IRAG1: variants seen among roughly 807,000 people sequenced by gnomAD.
The protein encoded by IRAG1 is inositol 1,4,5-triphosphate receptor associated 1.
Under a neutral mutation model 106.2 loss-of-function variants are expected in IRAG1, and 62 were observed. The ratio of observed to expected loss-of-function variants is 0.58; its 90% CI spans 0.48 to 0.72. The LOEUF is 0.72. Ranked by LOEUF, IRAG1 falls within the 30% of genes least tolerant of loss-of-function variation. The pLI is 0.00. For synonymous variants in IRAG1, 462 were observed against 443.9 expected (o/e 1.04, Z -0.51); for missense variants, 1,064 against 1,140.7 (o/e 0.93, Z 0.97).
At chr11:10,626,639 T>C in intron 8 of IRAG1, 56 bp from the exon 9 acceptor site, 1 of 1,522,200 alleles carries the variant, frequency 6.6e-7, no homozygotes, top group Non-Finnish European at 8.8e-7. Flanking sequence ...GGGAAACAGG[T>C]GAGGCCACTT....
intron 1 of IRAG1, among the ~76,000 whole-genome samples, chr11:10,686,310 C>T (rs1018408781): frequency 4.6e-5 from 7 of 152,164 alleles, no homozygotes; most frequent in African/African-American, 1.7e-4. Context: ...ACCTCGGCAA[C>T]ATTTACAGAC....
At chr11:10,664,276 C>A (rs144816902) in intron 1 of IRAG1, among the ~76,000 whole-genome samples, 309 of 152,184 alleles carry the variant, frequency 2.0e-3, no homozygotes, top group African/African-American at 6.9e-3. Context: ...GATGGAGCAC[C>A]CCAGCTCAGG....
rs549092992 is a variant in IRAG1 at position 10,614,672 on chromosome 11, A to G, written c.1448-4821T>C. Among the ~76,000 whole-genome samples, 472 of 152,352 alleles carry G rather than the reference A, an allele frequency of 3.1e-3. 4 individuals are homozygous for G. Among genetic ancestry groups the G allele is most frequent in the Non-Finnish European group, 2.6e-3 (180 of 68,032 alleles). On this transcript the variant is annotated intron_variant, in intron 10 of 20. Transcript: ENST00000423302. Reference sequence around the variant, plus strand: ...AACCATCTGATCTTTGACAAACCTGACAAAAACAAGAAATGGGGAAAGGAG... The same window carrying G: ...AACCATCTGATCTTTGACAAACCTGGCAAAAACAAGAAATGGGGAAAGGAG...
Position 10,602,081 on chromosome 11 carries a change from G to T in IRAG1, c.1876-1022C>A, listed in dbSNP as rs116928846. 2.4e-3 allele frequency among the ~76,000 whole-genome samples: 371 copies of T among 152,360 alleles called. 3 individuals carry two copies. The highest frequency in any genetic ancestry group is 4.7e-3 in the Non-Finnish European group (318 of 68,034). ...GCAGGAACAGGTCCCACAGTCATGC[G>T]TGGCTGAGACCAGCTACTTCCCTAG... On this transcript the variant is annotated intron_variant, in intron 14 of 20. Coordinates refer to ENST00000423302, the MANE Select transcript of IRAG1 (RefSeq NM_130385.4).
At chr11:10,655,036 G>T (rs1858812608) in intron 1 of IRAG1, among the ~76,000 whole-genome samples, 1 of 152,188 alleles carries the variant, frequency 6.6e-6, no homozygotes, top group Non-Finnish European at 1.5e-5. Context: ...CATCAGTGGT[G>T]CTGGGTAAAG....
chr11:10,676,452 G>A (rs944491789), intron 1 of IRAG1, among the ~76,000 whole-genome samples: 12 of 152,220 alleles, frequency 7.9e-5, no homozygotes, highest in Non-Finnish European at 1.5e-4. Flanking sequence ...TGTGGGATTG[G>A]AGCTATGACA....
chr11:10,660,916 C>G (rs1859343294), intron 1 of IRAG1, among the ~76,000 whole-genome samples: 1 of 152,212 alleles, frequency 6.6e-6, no homozygotes, highest in South Asian at 2.1e-4. Context: ...CCTGGCACCC[C>G]TGCCCATGGC....
At chr11:10,638,182 C>T (rs1412376468) in intron 2 of IRAG1, among the ~76,000 whole-genome samples, 2 of 152,172 alleles carry the variant, frequency 1.3e-5, no homozygotes, top group African/African-American at 2.4e-5. Context: ...GTAGTGTTTA[C>T]AAGTTTTTAA....
At chr11:10,629,164 G>T (rs769920736) in intron 5 of IRAG1, among the ~76,000 whole-genome samples, 2 of 152,164 alleles carry the variant, frequency 1.3e-5, no homozygotes, top group South Asian at 2.1e-4. Flanking sequence ...ACTTCCCAGG[G>T]TGGCCCTGAC....
intron 1 of IRAG1, among the ~76,000 whole-genome samples, chr11:10,661,441 A>C (rs1338311039): frequency 6.6e-6 from 1 of 151,906 alleles, no homozygotes; most frequent in Non-Finnish European, 1.5e-5. Flanking sequence ...AAACTGCACA[A>C]ATTCATTATC....
intron 13 of IRAG1, among the ~76,000 whole-genome samples, chr11:10,603,645 C>T (rs1443292812): frequency 6.6e-6 from 1 of 152,076 alleles, no homozygotes; most frequent in Non-Finnish European, 1.5e-5. Flanking sequence ...GGCTAAATGT[C>T]TGTGCCCCCC....
At chr11:10,591,690 T>C (rs773326151) in intron 17 of IRAG1, 78 bp from the exon 18 acceptor site, 107 of 1,307,320 alleles carry the variant, frequency 8.2e-5, no homozygotes, top group Admixed American at 1.4e-4. Flanking sequence ...TTTCTGATGA[T>C]GCTGGGAGCG....
At chr11:10,620,885 CTAGTTCAAAGAACAA>C (rs1855786218) in intron 10 of IRAG1, among the ~76,000 whole-genome samples, 1 of 152,100 alleles carries the variant, frequency 6.6e-6, no homozygotes, top group African/African-American at 2.4e-5. Context: ...ATTGTTAATC[CTAGTTCAAAGAACAA>C]TAGATAGGTC....
intron 1 of IRAG1, among the ~76,000 whole-genome samples, chr11:10,684,609 A>G (rs1861523169): frequency 8.3e-6 from 1 of 120,400 alleles, no homozygotes; most frequent in Non-Finnish European, 1.6e-5. Flanking sequence ...AAGTATAATA[A>G]TAATAATAAT....
intron 9 of IRAG1, among the ~76,000 whole-genome samples, chr11:10,625,035 A>G (rs190189838): frequency 1.3e-5 from 2 of 152,298 alleles, no homozygotes; most frequent in Non-Finnish European, 2.9e-5. Context: ...TAACATCAGC[A>G]GCCACGCCCC....
intron 2 of IRAG1, among the ~76,000 whole-genome samples, chr11:10,645,748 C>A (rs1044980348): frequency 2.6e-5 from 4 of 152,218 alleles, no homozygotes; most frequent in Non-Finnish European, 4.4e-5. Flanking sequence ...GTCAAGCTGC[C>A]TGGGTTTGAA....
intron 2 of IRAG1, among the ~76,000 whole-genome samples, chr11:10,640,407 T>G (rs1857432207): frequency 6.6e-6 from 1 of 152,248 alleles, no homozygotes; most frequent in Non-Finnish European, 1.5e-5. Context: ...TTCTTCACAC[T>G]TGCCTTCTAA....
At chr11:10,607,439 GCTC>G (rs1376007734) in intron 11 of IRAG1, among the ~76,000 whole-genome samples, 5 of 152,216 alleles carry the variant, frequency 3.3e-5, no homozygotes, top group Non-Finnish European at 7.3e-5. Context: ...CTTTTGAGCA[GCTC>G]CTCGTCTGTG....
rs961004797 is a variant in IRAG1, at chr11:10,575,258, T to G, written c.*1074A>C. ...ATTATACTGGGGTTGGAAACCCCAT[T>G]TGAACTGAAGCACTGAGGTGCAAGT... On this transcript the variant is annotated 3_prime_UTR_variant, in exon 21 of 21. Transcript: ENST00000423302. The G allele has an allele frequency of 3.9e-5, 6 of 152,302 alleles. No homozygotes were observed. The highest frequency in any genetic ancestry group is 1.4e-4 in the African/African-American group (6 of 41,572). The allele number at this position is 152,302 out of a possible 1,614,324, so 9.4% of individuals were successfully genotyped here.
Sources: gnomAD v4.1 joint callset for allele counts (sites outside exome capture counted in the v4.1 genomes callset) on GRCh38, gnomAD v4.1.1 for gene constraint, MANE v1.5 for transcripts, NCBI Gene and HGNC (gene_info 2026-07-23, HGNC 2026-07-21) for gene names.